MYH16: variants seen among roughly 807,000 people sequenced by gnomAD.
The protein encoded by MYH16 is myosin heavy chain 16.
chr7:99,266,373 A>G (rs1229565293), intron 17 of MYH16, among the ~76,000 whole-genome samples: 2 of 152,102 alleles, frequency 1.3e-5, no homozygotes. Flanking sequence ...CCCCCACCTT[A>G]GAGATGATCT....
chr7:99,280,019 G>A (rs1792180206), intron 22 of MYH16, among the ~76,000 whole-genome samples: 1 of 152,092 alleles, frequency 6.6e-6, no homozygotes, highest in African/African-American at 2.4e-5. Flanking sequence ...CTACACGTGT[G>A]GCACCACCAC....
intron 1 of MYH16, chr7:99,243,210 G>A (rs529785796): frequency 6.5e-6 from 1 of 152,866 alleles, no homozygotes; most frequent in South Asian, 2.1e-4. Flanking sequence ...GAGGGTATGT[G>A]GTGACCTGGG....
At chr7:99,282,741 G>T (rs1792216648) in intron 23 of MYH16, among the ~76,000 whole-genome samples, 1 of 152,062 alleles carries the variant, frequency 6.6e-6, no homozygotes, top group African/African-American at 2.4e-5. Flanking sequence ...GAGGCGAGAG[G>T]GTTGCTTGAG....
intron 20 of MYH16, among the ~76,000 whole-genome samples, chr7:99,274,007 C>T (rs572988974): frequency 2.6e-5 from 4 of 152,342 alleles, no homozygotes; most frequent in East Asian, 3.9e-4. Context: ...CATACCACCC[C>T]CACCAAAAAA....
intron 11 of MYH16, chr7:99,260,163 G>A (rs1252744160): frequency 6.2e-7 from 1 of 1,605,334 alleles, no homozygotes; most frequent in East Asian, 2.2e-5. Context: ...TGCCGCCACA[G>A]TTCAACAGCT....
At chr7:99,285,074 C>T (rs1209992389) in intron 26 of MYH16, 139 bp downstream of exon 8, 1 of 407,184 alleles carries the variant, frequency 2.5e-6, no homozygotes, top group African/African-American at 2.0e-5. Context: ...GACCCATGTT[C>T]CCCTCACTAG....
intron 37 of MYH16, among the ~76,000 whole-genome samples, chr7:99,300,174 G>A (rs1562787462): frequency 6.6e-6 from 1 of 151,822 alleles, no homozygotes; most frequent in South Asian, 2.1e-4. Flanking sequence ...TGGCCAGGCT[G>A]ATCTCCAATG....
chr7:99,248,352 T>G (rs1791758825), intron 3 of MYH16, among the ~76,000 whole-genome samples: 1 of 152,174 alleles, frequency 6.6e-6, no homozygotes, highest in African/African-American at 2.4e-5. Context: ...TCCACCCATC[T>G]CGGCCTCCCA....
chr7:99,287,062 TG>T (rs1276655128), intron 28 of MYH16, among the ~76,000 whole-genome samples: 1 of 152,054 alleles, frequency 6.6e-6, no homozygotes, highest in Admixed American at 6.6e-5. Context: ...GGCAGACAGC[TG>T]GGGGGAAGAA....
intron 18 of MYH16, among the ~76,000 whole-genome samples, chr7:99,267,818 C>A (rs1327853243): frequency 6.6e-6 from 1 of 152,190 alleles, no homozygotes; most frequent in Admixed American, 6.5e-5. Flanking sequence ...CCGCCCTGCC[C>A]CCCACAACAA....
intron 7 of MYH16, chr7:99,253,222 ACTGGTGACTGTTCTG>A (rs1791831397): frequency 6.6e-6 from 1 of 152,116 alleles, no homozygotes; most frequent in Non-Finnish European, 1.5e-5. Context: ...AACAGTCACC[ACTGGTGACTGTTCTG>A]GGCTTTATGG....
intron 18 of MYH16, among the ~76,000 whole-genome samples, chr7:99,268,805 C>T (rs193238459): frequency 2.6e-5 from 4 of 152,314 alleles, no homozygotes; most frequent in South Asian, 2.1e-4. Flanking sequence ...CTCTACCTTG[C>T]GATGTCTAGC....
intron 4 of MYH16, among the ~76,000 whole-genome samples, chr7:99,249,758 T>C (rs1791787922): frequency 6.6e-6 from 1 of 151,822 alleles, no homozygotes; most frequent in South Asian, 2.1e-4. Flanking sequence ...GGCTTCACCA[T>C]GTTGGCCAGG....
intron 26 of MYH16, 56 bp downstream of exon 8, chr7:99,284,991 G>C: frequency 2.2e-6 from 1 of 454,296 alleles, no homozygotes; most frequent in Non-Finnish European, 4.4e-6. Context: ...TTCTCTGAAC[G>C]TTTTGTTCAT....
intron 38 of MYH16, among the ~76,000 whole-genome samples, 165 bp downstream of exon 19, chr7:99,301,969 T>C (rs1006394289): frequency 3.9e-5 from 6 of 152,162 alleles, no homozygotes; most frequent in Non-Finnish European, 5.9e-5. Flanking sequence ...TCTGCAGAGC[T>C]TTTTGTAAAA....
At chr7:99,283,135 G>A (rs1226413740) in intron 23 of MYH16, among the ~76,000 whole-genome samples, 1 of 152,174 alleles carries the variant, frequency 6.6e-6, no homozygotes, top group African/African-American at 2.4e-5. Context: ...GGGTCTCACT[G>A]TTGCTCAGGC....
intron 1 of MYH16, among the ~76,000 whole-genome samples, chr7:99,242,041 A>G (rs939005040): frequency 2.6e-5 from 4 of 152,062 alleles, no homozygotes; most frequent in Admixed American, 1.3e-4. Context: ...TTGTATTTTT[A>G]GTAGAGACAG....
chr7:99,252,191 A>G (rs1286608856), intron 6 of MYH16, among the ~76,000 whole-genome samples: 1 of 151,962 alleles, frequency 6.6e-6, no homozygotes, highest in Non-Finnish European at 1.5e-5. Context: ...GGGTTCTTAA[A>G]CCAGTGCAGC....
At chr7:99,280,098 C>T (rs1394742626) in intron 22 of MYH16, among the ~76,000 whole-genome samples, 2 of 152,198 alleles carry the variant, frequency 1.3e-5, no homozygotes, top group East Asian at 3.9e-4. Context: ...GTCTTGAACG[C>T]CTCACCTCAG....
Sources: gnomAD v4.1 joint callset for allele counts (sites outside exome capture counted in the v4.1 genomes callset) on GRCh38, gnomAD v4.1.1 for gene constraint, MANE v1.5 for transcripts, NCBI Gene and HGNC (gene_info 2026-07-23, HGNC 2026-07-21) for gene names.